The following DIP2C variants were observed in gnomAD, a reference collection of about 807,000 sequenced individuals.
DIP2C encodes DIP2 acetate--CoA ligase C (putative).
A neutral mutation model predicts 192.4 loss-of-function variants in DIP2C; 33 were observed. The observed-to-expected ratio is 0.17, with a 90% confidence interval of 0.13 to 0.23. The LOEUF (loss-of-function observed/expected upper bound fraction) is 0.23. DIP2C is among the 10% of genes least tolerant of loss of function. The probability of loss-of-function intolerance (pLI) is 1.00; values close to 1 mark genes in which losing one functional copy is unlikely to be tolerated. For synonymous variants in DIP2C, 979 were observed against 864.1 expected (o/e 1.13, Z -2.33); for missense variants, 1,537 against 2,110.1 (o/e 0.73, Z 5.32).
At chr10:428,043 G>C (rs1037563473) in intron 4 of DIP2C, among the ~76,000 whole-genome samples, 1 of 152,162 alleles carries the variant, frequency 6.6e-6, no homozygotes, top group Admixed American at 6.5e-5. Flanking sequence ...GCATGTGTTA[G>C]ATCCATCTAA....
chr10:555,612 G>C (rs1432714265), intron 1 of DIP2C, among the ~76,000 whole-genome samples: 3 of 152,182 alleles, frequency 2.0e-5, no homozygotes, highest in African/African-American at 7.2e-5. Flanking sequence ...CTGTTGAGCC[G>C]TGTCTCTCAG....
chr10:505,816 G>C (rs566004048), intron 1 of DIP2C, among the ~76,000 whole-genome samples: 1 of 152,094 alleles, frequency 6.6e-6, no homozygotes, highest in Admixed American at 6.5e-5. Flanking sequence ...ACAGGAGATG[G>C]GGACCACCTG....
intron 17 of DIP2C, among the ~76,000 whole-genome samples, chr10:373,523 T>C (rs912568018): frequency 3.3e-5 from 5 of 152,144 alleles, no homozygotes; most frequent in Non-Finnish European, 7.3e-5. Context: ...TCTGACATAA[T>C]GTAAGAGTCT....
At chr10:288,226 C>T (rs1955255718) in intron 33 of DIP2C, 138 bp downstream of exon 33, 3 of 832,754 alleles carry the variant, frequency 3.6e-6, no homozygotes, top group Non-Finnish European at 5.7e-6. Context: ...TTTTGAGTTT[C>T]TATACTCACT....
At chr10:407,219 GAATCACGC>G in intron 9 of DIP2C, among the ~76,000 whole-genome samples, 1 of 152,226 alleles carries the variant, frequency 6.6e-6, no homozygotes, top group East Asian at 1.9e-4. Context: ...CGCAGGAACG[GAATCACGC>G]AATACCTGTT....
chr10:469,514 G>A (rs573291373), intron 3 of DIP2C, among the ~76,000 whole-genome samples: 3 of 151,984 alleles, frequency 2.0e-5, no homozygotes, highest in South Asian at 2.1e-4. Flanking sequence ...ATGGGGTTTC[G>A]CCATGTTGGC....
At chr10:379,941 G>A (rs889820848) in intron 17 of DIP2C, among the ~76,000 whole-genome samples, 10 of 151,906 alleles carry the variant, frequency 6.6e-5, no homozygotes, top group Non-Finnish European at 1.5e-4. Context: ...GGCTGTCCCT[G>A]GAAGATGGTT....
chr10:599,094 ACAGC>A (rs1054181142), intron 1 of DIP2C, among the ~76,000 whole-genome samples: 1 of 152,198 alleles, frequency 6.6e-6, no homozygotes, highest in African/African-American at 2.4e-5. Context: ...TCCAGAAGCC[ACAGC>A]CACTCTCCCA....
intron 2 of DIP2C, among the ~76,000 whole-genome samples, chr10:474,557 C>T (rs1970908808): frequency 2.3e-5 from 1 of 42,600 alleles, no homozygotes; most frequent in East Asian, 1.4e-3. Flanking sequence ...TTTCTTCCCG[C>T]TGGCTGTGGC....
intron 1 of DIP2C, among the ~76,000 whole-genome samples, chr10:519,507 C>T (rs1564813741): frequency 6.6e-6 from 1 of 152,158 alleles, no homozygotes; most frequent in African/African-American, 2.4e-5. Context: ...CCCACACATA[C>T]ATGGGACCTC....
chr10:568,510 G>A (rs1021919787), intron 1 of DIP2C, among the ~76,000 whole-genome samples: 1 of 152,048 alleles, frequency 6.6e-6, no homozygotes, highest in Admixed American at 6.5e-5. Flanking sequence ...GCTCACGCCT[G>A]TAATCCCAGC....
chr10:347,369 C>A (rs1390399933), intron 26 of DIP2C, among the ~76,000 whole-genome samples: 1 of 140,536 alleles, frequency 7.1e-6, no homozygotes, highest in East Asian at 2.3e-4. Flanking sequence ...CCAGACACAT[C>A]GCGCATAGTT....
intron 1 of DIP2C, among the ~76,000 whole-genome samples, chr10:594,727 C>CA (rs1851604122): frequency 6.6e-6 from 1 of 152,188 alleles, no homozygotes; most frequent in Non-Finnish European, 1.5e-5. Flanking sequence ...TCGGCCCCCT[C>CA]AGAGTCAAGA....
chr10:345,274 A>G (rs1958383349), intron 26 of DIP2C, 164 bp from the exon 27 acceptor site: 3 of 760,252 alleles, frequency 3.9e-6, no homozygotes, highest in Non-Finnish European at 6.8e-6. Context: ...CAGAGCTAGG[A>G]GTCTAGTTGT....
At chr10:592,469 T>C (rs1462018877) in intron 1 of DIP2C, among the ~76,000 whole-genome samples, 2 of 152,172 alleles carry the variant, frequency 1.3e-5, no homozygotes, top group African/African-American at 4.8e-5. Context: ...CCATGGAATA[T>C]TCCTCAGCAG....
chr10:419,219 G>A lies in DIP2C; in HGVS notation c.605-20C>T. 3 of 1,614,024 alleles carry A rather than the reference G, an allele frequency of 1.9e-6. No individual in the cohort carries two copies. The highest frequency in any genetic ancestry group is 2.5e-6 in the Non-Finnish European group (3 of 1,179,956). On this transcript the variant is annotated intron_variant, in intron 5 of 36. Transcript: ENST00000280886. ...GATTTTCTGTAAAGAAACACATCAT[G>A]AGATTTTCTGGTGGTTGTGATGTTT...
At chr10:326,948 T>C (rs1957297967) in intron 31 of DIP2C, 58 bp downstream of exon 31, 3 of 1,570,066 alleles carry the variant, frequency 1.9e-6, no homozygotes, top group Admixed American at 1.7e-5. Context: ...CAGTCTGTGC[T>C]GTACCCACCC....
At chr10:654,893 C>T (rs1282699909) in intron 1 of DIP2C, among the ~76,000 whole-genome samples, 1 of 152,174 alleles carries the variant, frequency 6.6e-6, no homozygotes, top group African/African-American at 2.4e-5. Context: ...CAATATTATA[C>T]TGTTTCATTC....
chr10:584,949 C>A (rs564397130), intron 1 of DIP2C, among the ~76,000 whole-genome samples: 3 of 134,674 alleles, frequency 2.2e-5, no homozygotes, highest in East Asian at 5.0e-4. Flanking sequence ...ACCTCTCAAT[C>A]TCGGGGCCCG....
Sources: allele counts gnomAD v4.1 joint callset (sites outside exome capture counted in the v4.1 genomes callset), GRCh38; gene constraint gnomAD v4.1.1; transcripts MANE v1.5; gene names NCBI Gene and HGNC (gene_info 2026-07-23, HGNC 2026-07-21).